Variants in ROR1 observed in about 807,000 individuals in gnomAD.
ROR1 encodes the protein inactive tyrosine-protein kinase transmembrane receptor ROR1.
ROR1 carries 19 observed loss-of-function variants against 78.8 expected under a neutral mutation model. The ratio of observed to expected loss-of-function variants is 0.24; its 90% CI spans 0.17 to 0.35. The LOEUF (loss-of-function observed/expected upper bound fraction) is 0.35, where lower values mean the gene tolerates loss of function less well. ROR1 is among the 10% of genes least tolerant of loss of function. The pLI is 1.00. For missense variants in ROR1, 917 were observed against 1,177.8 expected (o/e 0.78, Z 3.24); for synonymous variants, 386 against 433.6 (o/e 0.89, Z 1.36).
At chr1:63,921,674 G>T (rs947816198) in intron 1 of ROR1, among the ~76,000 whole-genome samples, 3 of 151,580 alleles carry the variant, frequency 2.0e-5, no homozygotes, top group Non-Finnish European at 4.4e-5. Flanking sequence ...AGAGAGAGTG[G>T]GGTGGGGCGG....
intron 1 of ROR1, among the ~76,000 whole-genome samples, chr1:63,967,561 A>G (rs1384383607): frequency 6.6e-6 from 1 of 151,926 alleles, no homozygotes; most frequent in Non-Finnish European, 1.5e-5. Context: ...CTCTATCCCT[A>G]CCACCATCAT....
At chr1:64,089,177 A>G (rs1157136127) in intron 4 of ROR1, among the ~76,000 whole-genome samples, 2 of 151,292 alleles carry the variant, frequency 1.3e-5, no homozygotes, top group Non-Finnish European at 2.9e-5. Context: ...TTATTATTTT[A>G]GCAAGATTTG....
chr1:63,783,434 ATAAT>A lies in ROR1; in HGVS notation c.91+8930_91+8933del, dbSNP rs1366787260. On this transcript the variant is annotated intron_variant, in intron 1 of 8. Coordinates refer to ENST00000371079, the MANE Select transcript of ROR1 (RefSeq NM_005012.4). ...TGATGAAAAGAATAATAGTATACTA[ATAAT>A]TAACACACTGAGCATACTGTGGGCC... Among the ~76,000 whole-genome samples, 22 of 152,254 alleles carry A rather than the reference ATAAT, an allele frequency of 1.4e-4. No homozygotes were observed. The East Asian group carries it at 4.3e-3, about 29-fold the overall frequency.
intron 1 of ROR1, among the ~76,000 whole-genome samples, chr1:63,862,754 A>G (rs1645190037): frequency 6.6e-6 from 1 of 152,168 alleles, no homozygotes; most frequent in African/African-American, 2.4e-5. Context: ...TAACTCTGAC[A>G]TAAACATGGG....
chr1:64,168,840 G>A (rs1331543669), intron 8 of ROR1, among the ~76,000 whole-genome samples: 1 of 152,198 alleles, frequency 6.6e-6, no homozygotes, highest in Non-Finnish European at 1.5e-5. Context: ...AGAGAGAAGG[G>A]ACCCAGATCA....
intron 4 of ROR1, among the ~76,000 whole-genome samples, chr1:64,134,919 T>C (rs1649049733): frequency 6.6e-6 from 1 of 152,008 alleles, no homozygotes; most frequent in Non-Finnish European, 1.5e-5. Flanking sequence ...CAACTAATTT[T>C]TGTATTTTTA....
At chr1:64,151,009 T>C (rs6696297) in intron 7 of ROR1, among the ~76,000 whole-genome samples, 7,542 of 152,294 alleles carry the variant, frequency 0.05, 626 homozygotes, top group African/African-American at 0.17. Flanking sequence ...TCTGATATAA[T>C]ACCACAATGA....
At chr1:64,043,580 T>C (rs1465904943) in intron 2 of ROR1, among the ~76,000 whole-genome samples, 1 of 152,224 alleles carries the variant, frequency 6.6e-6, no homozygotes, top group African/African-American at 2.4e-5. Flanking sequence ...TTAGTTGTTT[T>C]CAGTACCAGT....
chr1:64,069,298 G>A (rs888282025), intron 4 of ROR1, among the ~76,000 whole-genome samples: 2 of 152,116 alleles, frequency 1.3e-5, no homozygotes, highest in Admixed American at 1.3e-4. Flanking sequence ...TATGAAATTT[G>A]TGGCATATCT....
intron 1 of ROR1, among the ~76,000 whole-genome samples, chr1:63,892,391 A>G (rs1645404558): frequency 6.6e-6 from 1 of 152,208 alleles, no homozygotes; most frequent in Admixed American, 6.5e-5. Context: ...CTTTAAGCAC[A>G]TTAAGGAGAC....
intron 2 of ROR1, among the ~76,000 whole-genome samples, chr1:64,014,110 C>G (rs1010364125): frequency 6.6e-6 from 1 of 152,220 alleles, no homozygotes; most frequent in African/African-American, 2.4e-5. Context: ...TCTGTTGTGA[C>G]AACTGAGTGC....
intron 2 of ROR1, among the ~76,000 whole-genome samples, chr1:64,011,217 A>G (rs1218396960): frequency 1.3e-5 from 2 of 152,194 alleles, no homozygotes; most frequent in Non-Finnish European, 2.9e-5. Context: ...TAAATATTAA[A>G]TCAGGCACTC....
At chr1:64,156,701 G>A (rs1000671087) in intron 7 of ROR1, among the ~76,000 whole-genome samples, 2 of 44,878 alleles carry the variant, frequency 4.5e-5, no homozygotes, top group Non-Finnish European at 8.1e-5. Flanking sequence ...GCGAGACTCC[G>A]TCTCAAAAAA....
intron 1 of ROR1, among the ~76,000 whole-genome samples, chr1:63,902,583 C>A (rs1464675636): frequency 6.6e-6 from 1 of 152,092 alleles, no homozygotes; most frequent in Non-Finnish European, 1.5e-5. Flanking sequence ...CTCAGCCCCC[C>A]AAAGTGCTGA....
intron 1 of ROR1, among the ~76,000 whole-genome samples, chr1:63,804,189 G>A (rs1412752253): frequency 6.6e-6 from 1 of 152,118 alleles, no homozygotes; most frequent in African/African-American, 2.4e-5. Flanking sequence ...CTCTGTGGTG[G>A]TGGAACAGTC....
At chr1:63,862,820 C>T (rs966953281) in intron 1 of ROR1, among the ~76,000 whole-genome samples, 2 of 152,044 alleles carry the variant, frequency 1.3e-5, no homozygotes, top group African/African-American at 4.8e-5. Context: ...TATTTTCTGA[C>T]CTACTTAAGG....
At chr1:63,936,527 A>AT (rs1164555126) in intron 1 of ROR1, among the ~76,000 whole-genome samples, 3 of 152,188 alleles carry the variant, frequency 2.0e-5, no homozygotes, top group African/African-American at 7.2e-5. Context: ...GTTAAGAATT[A>AT]TTTTTTAACG....
chr1:63,928,428 T>C lies in ROR1; in HGVS notation c.92-80877T>C, dbSNP rs572700398. ...AGAAGCATTACTTTTATTAGCAACTTAGTCATTTTACAGCAGGCGTGGCAG... is the reference window on the plus strand; with the variant it reads ...AGAAGCATTACTTTTATTAGCAACTCAGTCATTTTACAGCAGGCGTGGCAG... On this transcript the variant is annotated intron_variant, in intron 1 of 8. Coordinates refer to ENST00000371079, the MANE Select transcript of ROR1 (RefSeq NM_005012.4). 7.9e-5 allele frequency among the ~76,000 whole-genome samples: 12 copies of C among 152,334 alleles called. No homozygotes were observed. In the East Asian group the frequency reaches 1.7e-3, roughly 22 times the overall value.
At position 64,028,466 on chromosome 1, in the gene ROR1, C is replaced by T. The variant is rs534068298; in HGVS notation, c.163+19090C>T. Among the ~76,000 whole-genome samples the T allele has an allele frequency of 3.9e-5, 6 of 152,282 alleles. No individual in the cohort carries two copies. The South Asian group carries it at 1.0e-3, about 26-fold the overall frequency. On this transcript the variant is annotated intron_variant, in intron 2 of 8. Coordinates refer to ENST00000371079, the MANE Select transcript of ROR1 (RefSeq NM_005012.4). Reference sequence around the variant, plus strand: ...ACACATCTGGCCATGACCCACATCTCCTCTCTTTAGCCCACATGAATGCCA... The same window carrying T: ...ACACATCTGGCCATGACCCACATCTTCTCTCTTTAGCCCACATGAATGCCA...
Sources: gnomAD v4.1 joint callset for allele counts (sites outside exome capture counted in the v4.1 genomes callset) on GRCh38, gnomAD v4.1.1 for gene constraint, MANE v1.5 for transcripts, NCBI Gene and HGNC (gene_info 2026-07-23, HGNC 2026-07-21) for gene names.